GABRG3: variants seen among roughly 807,000 people sequenced by gnomAD.
The protein encoded by GABRG3 is gamma-aminobutyric acid receptor subunit gamma-3.
GABRG3 carries 25 observed loss-of-function variants against 48.8 expected under a neutral mutation model. That is an observed-to-expected ratio of 0.51 (90% CI 0.37 to 0.72). GABRG3 has a LOEUF of 0.72. Among genes scored for constraint, GABRG3 ranks in the 30% least tolerant of loss-of-function variants. GABRG3 has a pLI of 0.00. For synonymous variants in GABRG3, 227 were observed against 217.6 expected (o/e 1.04, Z -0.38); for missense variants, 394 against 577.9 (o/e 0.68, Z 3.26).
chr15:27,349,659 T>G (rs1488736747), intron 5 of GABRG3, among the ~76,000 whole-genome samples: 1 of 152,156 alleles, frequency 6.6e-6, no homozygotes, highest in Non-Finnish European at 1.5e-5. Flanking sequence ...GCAAACCTCC[T>G]AAGGGCATCT....
intron 6 of GABRG3, among the ~76,000 whole-genome samples, chr15:27,496,305 G>A (rs1349662968): frequency 6.6e-6 from 1 of 152,218 alleles, no homozygotes; most frequent in Admixed American, 6.5e-5. Flanking sequence ...TGGCAGGAGT[G>A]AGTGAGGCTG....
chr15:27,233,540 C>A (rs908756923), intron 3 of GABRG3, among the ~76,000 whole-genome samples: 4 of 152,066 alleles, frequency 2.6e-5, no homozygotes, highest in African/African-American at 9.7e-5. Flanking sequence ...TCTCAGGATG[C>A]GGGCATCTCT....
chr15:27,184,122 G>A (rs903840539), intron 3 of GABRG3, among the ~76,000 whole-genome samples: 3 of 152,184 alleles, frequency 2.0e-5, no homozygotes, highest in African/African-American at 4.8e-5. Context: ...GAACAATAAA[G>A]TTTTAGCGAA....
chr15:27,309,681 A>T (rs1463029258), intron 3 of GABRG3, among the ~76,000 whole-genome samples: 1 of 152,102 alleles, frequency 6.6e-6, no homozygotes, highest in African/African-American at 2.4e-5. Context: ...AAAGTAATAG[A>T]TGTGGAGTAA....
chr15:27,085,844 A>C (rs901226100), intron 3 of GABRG3, among the ~76,000 whole-genome samples: 4 of 152,192 alleles, frequency 2.6e-5, no homozygotes, highest in Non-Finnish European at 4.4e-5. Context: ...AGTATACTGA[A>C]ATCCTTCCTA....
chr15:27,397,553 C>G (rs1015315537), intron 5 of GABRG3, among the ~76,000 whole-genome samples: 2 of 152,098 alleles, frequency 1.3e-5, no homozygotes, highest in East Asian at 3.9e-4. Context: ...ACTTCCTCTG[C>G]CAGATTGAGG....
chr15:27,324,514 C>T (rs1031530784), intron 3 of GABRG3, among the ~76,000 whole-genome samples: 6 of 152,160 alleles, frequency 3.9e-5, no homozygotes, highest in African/African-American at 1.4e-4. Context: ...ATTCTTTTTC[C>T]ATTAACCATT....
In GABRG3 at chr15:27,039,966, ACTT is replaced by A. The variant is rs1330510004; in HGVS notation, c.270+13151_270+13153del. 6.0e-5 allele frequency among the ~76,000 whole-genome samples: 9 copies of A among 150,780 alleles called. No individual in the cohort carries two copies. The East Asian group carries it at 7.7e-4, about 13-fold the overall frequency. On this transcript the variant is annotated intron_variant, in intron 3 of 9. Transcript: ENST00000615808. The stretch of plus-strand genomic sequence containing the variant: ...CCAGGAAGTTCCTCCTTGCTGGGAC[ACTT>A]CTTCTCTTTTCTGCTCCCTCCATCC...
intron 3 of GABRG3, among the ~76,000 whole-genome samples, chr15:27,083,659 C>T (rs1193765279): frequency 6.6e-6 from 1 of 152,132 alleles, no homozygotes; most frequent in Non-Finnish European, 1.5e-5. Context: ...CCCATGACTT[C>T]CAAGTGCCTG....
At chr15:27,268,107 C>T (rs11632779) in intron 3 of GABRG3, among the ~76,000 whole-genome samples, 4 of 151,888 alleles carry the variant, frequency 2.6e-5, no homozygotes, top group Non-Finnish European at 5.9e-5. Flanking sequence ...GGTGTGTAGA[C>T]AGTAGGTTTT....
In GABRG3 at chr15:27,319,223, A is replaced by G. The variant is rs920618111; in HGVS notation, c.271-7586A>G. Among the ~76,000 whole-genome samples the G allele has an allele frequency of 1.1e-4, 17 of 152,106 alleles. No individual in the cohort carries two copies. Among genetic ancestry groups the G allele is most frequent in the East Asian group, 3.9e-4 (2 of 5,164 alleles). ...ATTCTAGCTCAGTAAAGCCAGGGGGAAAAAAATGTCTGAAACCAACAAGGG... is the reference window on the plus strand; with the variant it reads ...ATTCTAGCTCAGTAAAGCCAGGGGGGAAAAAATGTCTGAAACCAACAAGGG... On this transcript the variant is annotated intron_variant, in intron 3 of 9. Coordinates refer to ENST00000615808, the MANE Select transcript of GABRG3 (RefSeq NM_033223.5). The surrounding 1 kb of genome is among the most constrained non-coding windows in gnomAD (Gnocchi z 4.4).
chr15:27,306,952 TAA>T (rs1892546388), intron 3 of GABRG3, among the ~76,000 whole-genome samples: 1 of 129,032 alleles, frequency 7.8e-6, no homozygotes. Flanking sequence ...ATATATAATA[TAA>T]ACATGTTTAT....
intron 5 of GABRG3, among the ~76,000 whole-genome samples, chr15:27,467,911 G>A (rs1412471908): frequency 6.6e-6 from 1 of 152,180 alleles, no homozygotes; most frequent in Non-Finnish European, 1.5e-5. Context: ...CAATTCATAA[G>A]TTTTACATTG....
chr15:27,019,055 C>CTTTTTTTT (rs9331868), intron 2 of GABRG3, among the ~76,000 whole-genome samples: 2 of 42,036 alleles, frequency 4.8e-5, no homozygotes, highest in African/African-American at 1.0e-4. Context: ...TCCCTAGAGT[C>CTTTTTTTT]TTTTTTTTTT....
rs540883314 is a variant in GABRG3, at chr15:27,424,800, C to T, written c.575-55850C>T. On this transcript the variant is annotated intron_variant, in intron 5 of 9. Transcript: ENST00000615808. ...AACTCCTGACTTCAGGTAGTCTGCC[C>T]GTCTTGGCCTCCCAAAGTGCTGGGA... Among the ~76,000 whole-genome samples, 4 of 152,210 alleles carry T rather than the reference C, an allele frequency of 2.6e-5. No individual in the cohort carries two copies. The East Asian group carries it at 5.8e-4, about 22-fold the overall frequency.
intron 3 of GABRG3, among the ~76,000 whole-genome samples, chr15:27,270,396 A>G (rs57144593): frequency 0.47 from 70,998 of 152,026 alleles, 18,760 homozygotes; most frequent in Non-Finnish European, 0.61. Flanking sequence ...ACAGCTGGTC[A>G]TGTGGCCCTG....
At chr15:27,255,759 T>A (rs1890591888) in intron 3 of GABRG3, among the ~76,000 whole-genome samples, 1 of 152,226 alleles carries the variant, frequency 6.6e-6, no homozygotes, top group African/African-American at 2.4e-5. Context: ...ATACATCTGC[T>A]GAGGGCAGAG....
chr15:27,056,988 A>G (rs1239913600), intron 3 of GABRG3, among the ~76,000 whole-genome samples: 1 of 152,064 alleles, frequency 6.6e-6, no homozygotes, highest in East Asian at 1.9e-4. Context: ...TTCAGACTCT[A>G]TACTCTTCCC....
At position 27,152,504 on chromosome 15, in the gene GABRG3, C is replaced by T. The variant is rs560200722; in HGVS notation, c.270+125683C>T. On this transcript the variant is annotated intron_variant, in intron 3 of 9. Transcript: ENST00000615808. The stretch of plus-strand genomic sequence containing the variant: ...TCCATATGCACTTTAGCATAATCTT[C>T]TCTGTTTCTACAGAAATCTTGCTGG... Among the ~76,000 whole-genome samples the T allele has an allele frequency of 2.6e-5, 4 of 152,234 alleles. No homozygotes were observed. In the South Asian group the frequency reaches 6.2e-4, roughly 24 times the overall value.
Sources: gnomAD v4.1 joint callset for allele counts (sites outside exome capture counted in the v4.1 genomes callset) on GRCh38, gnomAD v4.1.1 for gene constraint, Gnocchi (gnomAD v3.1) non-coding constraint, MANE v1.5 for transcripts, NCBI Gene and HGNC (gene_info 2026-07-23, HGNC 2026-07-21) for gene names.